The following NRXN3 variants were observed in gnomAD, a reference collection of about 807,000 sequenced individuals.
NRXN3 encodes neurexin 3.
NRXN3 carries 32 observed loss-of-function variants against 137.6 expected under a neutral mutation model. That is an observed-to-expected ratio of 0.23 (90% CI 0.18 to 0.31). The LOEUF (loss-of-function observed/expected upper bound fraction) is 0.31, where lower values mean the gene tolerates loss of function less well. NRXN3 is among the 10% of genes least tolerant of loss of function. The probability of loss-of-function intolerance (pLI) is 1.00; values close to 1 mark genes in which losing one functional copy is unlikely to be tolerated. For synonymous variants in NRXN3, 798 were observed against 784.5 expected, an observed-to-expected ratio of 1.02 and a Z score of -0.29; for missense variants, 1,574 against 2,062.5, an observed-to-expected ratio of 0.76 and a Z score of 4.59.
chr14:79,181,896 T>C (rs1419838828), intron 15 of NRXN3, among the ~76,000 whole-genome samples: 1 of 152,080 alleles, frequency 6.6e-6, no homozygotes, highest in Non-Finnish European at 1.5e-5. Flanking sequence ...CTCTCTGTCC[T>C]AAATATCTGC....
At chr14:78,989,866 C>T (rs146706593) in intron 15 of NRXN3, among the ~76,000 whole-genome samples, 12 of 152,316 alleles carry the variant, frequency 7.9e-5, no homozygotes, top group East Asian at 1.9e-4. Flanking sequence ...GTTATCGTAA[C>T]GTGGTGAGCA....
chr14:79,656,529 C>T (rs1054482611), intron 16 of NRXN3, among the ~76,000 whole-genome samples: 4 of 152,086 alleles, frequency 2.6e-5, no homozygotes, highest in African/African-American at 9.7e-5. Flanking sequence ...TATTTACTTG[C>T]ATCGGCTGTC....
intron 19 of NRXN3, among the ~76,000 whole-genome samples, chr14:79,800,712 A>T (rs76666981): frequency 6.6e-5 from 10 of 152,336 alleles, no homozygotes; most frequent in African/African-American, 2.4e-4. Flanking sequence ...TCAAGGTTCA[A>T]CATCAGATCC....
At chr14:79,421,786 C>A (rs761861447) in intron 15 of NRXN3, among the ~76,000 whole-genome samples, 2 of 152,126 alleles carry the variant, frequency 1.3e-5, no homozygotes, top group East Asian at 3.9e-4. Context: ...TAATTTCTCT[C>A]AATCTTTCAA....
intron 2 of NRXN3, among the ~76,000 whole-genome samples, chr14:78,247,132 G>T (rs997344397): frequency 1.3e-5 from 2 of 152,144 alleles, no homozygotes; most frequent in Admixed American, 6.5e-5. Flanking sequence ...ATTATCTCCA[G>T]CCCCCCTGCG....
At chr14:79,530,490 A>G (rs1422084328) in intron 16 of NRXN3, among the ~76,000 whole-genome samples, 2 of 152,104 alleles carry the variant, frequency 1.3e-5, no homozygotes. Context: ...AAGATGGAGA[A>G]GGAAATGTTT....
At chr14:78,758,594 G>A (rs1456567852) in intron 8 of NRXN3, among the ~76,000 whole-genome samples, 1 of 152,214 alleles carries the variant, frequency 6.6e-6, no homozygotes, top group Non-Finnish European at 1.5e-5. Context: ...CAGCTCTTAT[G>A]TATTGCAGTC....
chr14:79,729,707 C>T (rs531104263), intron 19 of NRXN3, among the ~76,000 whole-genome samples: 29 of 152,272 alleles, frequency 1.9e-4, no homozygotes, highest in African/African-American at 5.5e-4. Flanking sequence ...CTCCTCCTTC[C>T]TCAGCTTCTC....
At chr14:79,235,957 C>G (rs1199266174) in intron 15 of NRXN3, among the ~76,000 whole-genome samples, 2 of 152,070 alleles carry the variant, frequency 1.3e-5, no homozygotes, top group African/African-American at 4.8e-5. Context: ...ATTAACATAT[C>G]TAATTATTAT....
At chr14:78,365,405 C>G (rs1172482223) in intron 4 of NRXN3, among the ~76,000 whole-genome samples, 1 of 152,200 alleles carries the variant, frequency 6.6e-6, no homozygotes, top group Admixed American at 6.5e-5. Flanking sequence ...TGCAGACATT[C>G]AGATCCTAGA....
intron 16 of NRXN3, among the ~76,000 whole-genome samples, chr14:79,550,491 G>C (rs886491273): frequency 7.9e-5 from 12 of 152,258 alleles, no homozygotes; most frequent in Middle Eastern, 3.4e-3. Context: ...TGCAGGGACT[G>C]TATTTATTTT....
At chr14:79,759,939 A>G (rs1363484932) in intron 19 of NRXN3, among the ~76,000 whole-genome samples, 8 of 151,756 alleles carry the variant, frequency 5.3e-5, no homozygotes, top group Admixed American at 2.6e-4. Flanking sequence ...TGAATTTGAC[A>G]TAAGAATAGG....
intron 4 of NRXN3, among the ~76,000 whole-genome samples, chr14:78,561,306 T>C (rs2096784238): frequency 6.6e-6 from 1 of 152,214 alleles, no homozygotes; most frequent in South Asian, 2.1e-4. Flanking sequence ...TTTTTCTGTC[T>C]TCTCAGAGAG....
chr14:78,507,735 T>C (rs1198224325), intron 4 of NRXN3, among the ~76,000 whole-genome samples: 1 of 152,180 alleles, frequency 6.6e-6, no homozygotes, highest in Non-Finnish European at 1.5e-5. Flanking sequence ...TTGATTGCAG[T>C]GGTCAAGTCT....
intron 4 of NRXN3, among the ~76,000 whole-genome samples, chr14:78,455,545 C>T (rs1021635706): frequency 6.6e-6 from 1 of 152,168 alleles, no homozygotes; most frequent in Non-Finnish European, 1.5e-5. Context: ...TAACAGCCTG[C>T]CTGTTCCACT....
chr14:78,732,789 A>C (rs1386825078), intron 8 of NRXN3, among the ~76,000 whole-genome samples: 2 of 152,164 alleles, frequency 1.3e-5, no homozygotes, highest in Admixed American at 1.3e-4. Flanking sequence ...CATGAGAGAA[A>C]GGTTAGATGG....
intron 5 of NRXN3, among the ~76,000 whole-genome samples, chr14:78,648,291 C>T (rs889969969): frequency 6.6e-6 from 1 of 152,200 alleles, no homozygotes; most frequent in African/African-American, 2.4e-5. Flanking sequence ...TGCTTTACCT[C>T]TATGTGTTAA....
intron 16 of NRXN3, among the ~76,000 whole-genome samples, chr14:79,621,638 A>G (rs2098225825): frequency 6.6e-6 from 1 of 152,200 alleles, no homozygotes. Flanking sequence ...TTCTGTGCAC[A>G]GAACTCTTGC....
At chr14:79,577,989 C>G (rs1027802117) in intron 16 of NRXN3, among the ~76,000 whole-genome samples, 3 of 152,144 alleles carry the variant, frequency 2.0e-5, no homozygotes, top group African/African-American at 7.2e-5. Flanking sequence ...GTTATTATAC[C>G]AACTCTAGGT....
Sources: gnomAD v4.1 joint callset for allele counts (sites outside exome capture counted in the v4.1 genomes callset) on GRCh38, gnomAD v4.1.1 for gene constraint, MANE v1.5 for transcripts, NCBI Gene and HGNC (gene_info 2026-07-23, HGNC 2026-07-21) for gene names.